Variants in AFF4 observed in about 807,000 individuals in gnomAD.
AFF4 encodes AF4/FMR2 family member 4.
Under a neutral mutation model 124.8 loss-of-function variants are expected in AFF4, and 13 were observed. The observed-to-expected ratio is 0.10, with a 90% confidence interval of 0.07 to 0.17. The LOEUF is 0.17. Among genes scored for constraint, AFF4 ranks in the 10% least tolerant of loss-of-function variants. The pLI is 1.00. For missense variants in AFF4, 1,092 were observed against 1,403.8 expected (o/e 0.78, Z 3.55); for synonymous variants, 477 against 496.1 (o/e 0.96, Z 0.51).
chr5:132,949,700 ACGCGCGCGCG>A (rs34997571), intron 1 of AFF4, among the ~76,000 whole-genome samples: 3 of 146,628 alleles, frequency 2.0e-5, no homozygotes, highest in Admixed American at 1.4e-4. Context: ...ACACACACAC[ACGCGCGCGCG>A]CGCGCGCCAG....
intron 2 of AFF4, 139 bp from the exon 3 acceptor site, chr5:132,935,080 C>A (rs1000839000): frequency 2.3e-5 from 13 of 575,424 alleles, no homozygotes; most frequent in Non-Finnish European, 3.4e-5. Context: ...AACGTTAATA[C>A]CTTGAAGCAA....
chr5:132,937,255 C>T, intron 1 of AFF4, 62 bp from the exon 2 acceptor site: 4 of 1,485,472 alleles, frequency 2.7e-6, no homozygotes, highest in Non-Finnish European at 2.7e-6. Context: ...ATATTCTGTA[C>T]AGATTTTGTC....
intron 1 of AFF4, 56 bp downstream of exon 1, chr5:132,963,203 G>A (rs1039742786): frequency 2.6e-6 from 1 of 386,328 alleles, no homozygotes; most frequent in Non-Finnish European, 4.6e-6. Context: ...ACCCGGCCCC[G>A]GCCACAACCC....
Position 132,879,212 on chromosome 5 carries a change from AG to A in AFF4, c.*1846del. On this transcript the variant is annotated 3_prime_UTR_variant, in exon 21 of 21. Transcript: ENST00000265343. ...AGAAGCTCTATAAATATGAGGCCAC[AG>A]GGACAATGAAAGTTCACTAACTTCA... 4.5e-6 allele frequency: 1 copy of A among 220,412 alleles called. No homozygotes were observed. Among genetic ancestry groups the A allele is most frequent in the Non-Finnish European group, 9.1e-6 (1 of 109,954 alleles). 13.7% of individuals were successfully genotyped at this position (220,412 alleles called of 1,614,324 possible).
At chr5:132,930,824 T>C (rs1761280628) in intron 4 of AFF4, among the ~76,000 whole-genome samples, 1 of 151,498 alleles carries the variant, frequency 6.6e-6, no homozygotes, top group Non-Finnish European at 1.5e-5. Context: ...CCCAAAATGT[T>C]GGCTGGGCGT....
intron 5 of AFF4, chr5:132,926,867 T>C: frequency 2.8e-6 from 1 of 355,890 alleles, no homozygotes; most frequent in Non-Finnish European, 5.1e-6. Flanking sequence ...GCTGTATTAA[T>C]GTCTTTTAAA....
At chr5:132,954,070 G>A (rs1025020190) in intron 1 of AFF4, among the ~76,000 whole-genome samples, 5 of 151,838 alleles carry the variant, frequency 3.3e-5, no homozygotes, top group South Asian at 4.1e-4. Flanking sequence ...GTCCCTTCCA[G>A]TTCTTGAACA....
chr5:132,954,758 A>G (rs1255866442), intron 1 of AFF4, among the ~76,000 whole-genome samples: 6 of 151,972 alleles, frequency 3.9e-5, no homozygotes, highest in South Asian at 2.1e-4. Context: ...CGTTTTAGCC[A>G]GGATGGTCTC....
intron 12 of AFF4, 145 bp from the exon 13 acceptor site, chr5:132,892,549 A>G (rs1323814112): frequency 7.8e-7 from 1 of 1,283,716 alleles, no homozygotes; most frequent in Admixed American, 2.4e-5. Context: ...AAACAAAATA[A>G]GACTGTAAAT....
intron 6 of AFF4, among the ~76,000 whole-genome samples, 157 bp from the exon 7 acceptor site, chr5:132,902,644 C>G (rs1256853602): frequency 6.6e-6 from 1 of 152,178 alleles, no homozygotes. Flanking sequence ...ATATGAGATA[C>G]TGGTGACTAC....
At chr5:132,884,959 A>T (rs1245130447) in intron 19 of AFF4, 117 bp downstream of exon 19, 2 of 625,300 alleles carry the variant, frequency 3.2e-6, no homozygotes, top group Non-Finnish European at 5.5e-6. Context: ...AAAATATTTT[A>T]TCAGAGATGG....
intron 5 of AFF4, among the ~76,000 whole-genome samples, chr5:132,916,817 T>A (rs1760921972): frequency 6.6e-6 from 1 of 152,222 alleles, no homozygotes; most frequent in South Asian, 2.1e-4. Flanking sequence ...AAAAAACTTT[T>A]AAAATCAAAT....
chr5:132,916,795 C>T (rs1197898380), intron 5 of AFF4, among the ~76,000 whole-genome samples: 1 of 151,864 alleles, frequency 6.6e-6, no homozygotes, highest in Non-Finnish European at 1.5e-5. Context: ...GGAATACAGA[C>T]GCAAAAATTA....
At chr5:132,939,534 G>T (rs1761516459) in intron 1 of AFF4, among the ~76,000 whole-genome samples, 2 of 152,186 alleles carry the variant, frequency 1.3e-5, no homozygotes, top group South Asian at 4.1e-4. Context: ...AACATACAAA[G>T]TTATTTATAC....
intron 5 of AFF4, among the ~76,000 whole-genome samples, chr5:132,913,572 T>C (rs1351049145): frequency 6.6e-6 from 1 of 152,158 alleles, no homozygotes; most frequent in Admixed American, 6.6e-5. Context: ...GCCTCCTGAG[T>C]AGTTGCAACT....
chr5:132,920,649 C>A (rs1031993368), intron 5 of AFF4, among the ~76,000 whole-genome samples: 17 of 152,134 alleles, frequency 1.1e-4, no homozygotes, highest in Admixed American at 1.0e-3. Flanking sequence ...GCCACCTCAC[C>A]CAGCCAGGCA....
chr5:132,945,342 G>A (rs1177167845), intron 1 of AFF4: 1 of 152,226 alleles, frequency 6.6e-6, no homozygotes, highest in African/African-American at 2.4e-5. Context: ...TTTAATGAGA[G>A]GCTGGTTCGA....
intron 1 of AFF4, among the ~76,000 whole-genome samples, chr5:132,942,456 T>C (rs956589384): frequency 6.8e-6 from 1 of 147,990 alleles, no homozygotes; most frequent in Non-Finnish European, 1.5e-5. Context: ...TCAGTCCTTT[T>C]GACCTTTTTT....
chr5:132,956,333 G>A (rs1761957250), intron 1 of AFF4, among the ~76,000 whole-genome samples: 1 of 152,106 alleles, frequency 6.6e-6, no homozygotes, highest in Non-Finnish European at 1.5e-5. Context: ...TATGGACATT[G>A]AAATCTGAGT....
Sources: gnomAD v4.1 joint callset for allele counts (sites outside exome capture counted in the v4.1 genomes callset) on GRCh38, gnomAD v4.1.1 for gene constraint, MANE v1.5 for transcripts, NCBI Gene and HGNC (gene_info 2026-07-23, HGNC 2026-07-21) for gene names.